PCDH7: variants seen among roughly 807,000 people sequenced by gnomAD.
The protein encoded by PCDH7 is protocadherin-7.
PCDH7 carries 17 observed loss-of-function variants against 58.9 expected under a neutral mutation model. That is an observed-to-expected ratio of 0.29 (90% CI 0.20 to 0.43). The LOEUF is 0.43. Among genes scored for constraint, PCDH7 ranks in the 20% least tolerant of loss-of-function variants. The pLI is 1.00. For synonymous variants in PCDH7, 664 were observed against 616.4 expected (o/e 1.08, Z -1.14); for missense variants, 1,274 against 1,441.0 (o/e 0.88, Z 1.88).
intron 2 of PCDH7, among the ~76,000 whole-genome samples, chr4:30,929,607 G>A (rs1744310382): frequency 1.3e-5 from 2 of 152,146 alleles, no homozygotes; most frequent in Non-Finnish European, 2.9e-5. Flanking sequence ...AATAAAATCT[G>A]TGATTAGTGG....
chr4:31,128,146 T>TACAC (rs144203433), intron 3 of PCDH7, among the ~76,000 whole-genome samples: 1 of 149,170 alleles, frequency 6.7e-6, no homozygotes, highest in Admixed American at 6.7e-5. Flanking sequence ...TATACATATA[T>TACAC]ACACACACAC....
intron 3 of PCDH7, among the ~76,000 whole-genome samples, chr4:30,983,643 T>A (rs1326496297): frequency 6.6e-6 from 1 of 152,250 alleles, no homozygotes; most frequent in Non-Finnish European, 1.5e-5. Flanking sequence ...AACATATTTT[T>A]GTTTCTAAAA....
chr4:31,127,669 T>A lies in PCDH7; in HGVS notation c.*8-14804T>A, dbSNP rs187201838. Among the ~76,000 whole-genome samples, 20 of 152,272 alleles carry A rather than the reference T, an allele frequency of 1.3e-4. No individual in the cohort carries two copies. The East Asian group carries it at 3.7e-3, about 28-fold the overall frequency. ...GTAAGAAACTATATTTACATTAGAT[T>A]TCCTGAAGTGGTTGTTGAGGATGTA... On this transcript the variant is annotated intron_variant, in intron 3 of 3. Coordinates refer to the PCDH7 transcript ENST00000509759.
intron 1 of PCDH7, among the ~76,000 whole-genome samples, chr4:30,909,460 C>A (rs1413831870): frequency 6.6e-6 from 1 of 152,158 alleles, no homozygotes; most frequent in African/African-American, 2.4e-5. Context: ...ACTCTTTAAG[C>A]TGATAAGCAA....
chr4:30,978,158 ATCC>A (rs1178210944), intron 3 of PCDH7, among the ~76,000 whole-genome samples: 3 of 152,214 alleles, frequency 2.0e-5, no homozygotes, highest in African/African-American at 7.2e-5. Context: ...TGACTCCCTT[ATCC>A]TAAGATTACA....
intron 3 of PCDH7, among the ~76,000 whole-genome samples, chr4:31,048,941 T>C (rs1333778857): frequency 6.6e-6 from 1 of 152,112 alleles, no homozygotes; most frequent in African/African-American, 2.4e-5. Context: ...AATATGATGA[T>C]ATGTATAATT....
At chr4:30,895,272 T>A (rs1372110702) in intron 1 of PCDH7, among the ~76,000 whole-genome samples, 1 of 151,956 alleles carries the variant, frequency 6.6e-6, no homozygotes, top group Non-Finnish European at 1.5e-5. Context: ...ACCGCATGTA[T>A]GTTTAAGTAT....
chr4:31,077,816 T>C (rs915101649), intron 3 of PCDH7, among the ~76,000 whole-genome samples: 1 of 152,156 alleles, frequency 6.6e-6, no homozygotes, highest in African/African-American at 2.4e-5. Flanking sequence ...ATTTGATATA[T>C]GACTCTGAAA....
At chr4:30,927,198 T>C (rs1223419517) in intron 2 of PCDH7, among the ~76,000 whole-genome samples, 2 of 152,196 alleles carry the variant, frequency 1.3e-5, no homozygotes, top group African/African-American at 4.8e-5. Context: ...GTTCCTTATT[T>C]AGTTAAGGTG....
intron 3 of PCDH7, among the ~76,000 whole-genome samples, chr4:31,075,726 A>G (rs1372675752): frequency 1.3e-5 from 2 of 152,194 alleles, no homozygotes; most frequent in East Asian, 1.9e-4. Flanking sequence ...CATGGGGGAT[A>G]ACATCTATAA....
chr4:31,056,953 T>C (rs1451444056), intron 3 of PCDH7, among the ~76,000 whole-genome samples: 2 of 152,198 alleles, frequency 1.3e-5, no homozygotes, highest in African/African-American at 4.8e-5. Context: ...TGTTTGTCAA[T>C]GAATATCTTA....
At position 30,721,409 on chromosome 4, in the gene PCDH7, A is replaced by T. The variant is rs992352550; in HGVS notation, c.-14A>T. The T allele has an allele frequency of 8.8e-6, 13 of 1,480,374 alleles. No homozygotes were observed. The South Asian group carries it at 1.8e-4, about 20-fold the overall frequency. The allele number at this position is 1,480,374 out of a possible 1,614,324, so 91.7% of individuals were successfully genotyped here. On this transcript the variant is annotated 5_prime_UTR_variant, in exon 1 of 2. Transcript: ENST00000361762. The surrounding 1 kb of genome is among the most constrained non-coding windows in gnomAD (Gnocchi z 6.7). ...TGTGGTTAGAAGGAGCAGTAGCAGCAGCAGCAGGAGAAGATGCTGAGGATG... is the reference window on the plus strand; with the variant it reads ...TGTGGTTAGAAGGAGCAGTAGCAGCTGCAGCAGGAGAAGATGCTGAGGATG...
intron 1 of PCDH7, among the ~76,000 whole-genome samples, chr4:30,875,376 A>T (rs544675040): frequency 6.6e-6 from 1 of 151,984 alleles, no homozygotes; most frequent in Non-Finnish European, 1.5e-5. Flanking sequence ...TCCAAATAAG[A>T]TCACATTCTG....
chr4:30,813,079 G>T (rs1005409580), intron 1 of PCDH7, among the ~76,000 whole-genome samples: 3 of 152,118 alleles, frequency 2.0e-5, no homozygotes, highest in African/African-American at 7.2e-5. Context: ...TAGGAGAGCT[G>T]CTGGAAATAA....
intron 3 of PCDH7, among the ~76,000 whole-genome samples, chr4:30,999,073 G>A (rs1752139129): frequency 6.6e-6 from 1 of 152,102 alleles, no homozygotes; most frequent in Non-Finnish European, 1.5e-5. Context: ...GGAGCAGAAA[G>A]AGCCTTGGAC....
intron 1 of PCDH7, among the ~76,000 whole-genome samples, chr4:30,808,181 T>C (rs1726499602): frequency 1.3e-5 from 2 of 152,190 alleles, no homozygotes; most frequent in African/African-American, 4.8e-5. Context: ...AATTCAAAGA[T>C]TAATAATTGA....
intron 1 of PCDH7, among the ~76,000 whole-genome samples, chr4:30,896,865 T>C (rs1739458129): frequency 6.9e-6 from 1 of 145,686 alleles, no homozygotes; most frequent in Admixed American, 7.1e-5. Flanking sequence ...TTTCCACTTG[T>C]CTTGTGCCCC....
chr4:30,969,028 G>C (rs1041311167), intron 3 of PCDH7, among the ~76,000 whole-genome samples: 1 of 152,020 alleles, frequency 6.6e-6, no homozygotes, highest in Non-Finnish European at 1.5e-5. Flanking sequence ...CATTTTGTAC[G>C]TACTCTCGGT....
intron 3 of PCDH7, among the ~76,000 whole-genome samples, chr4:31,074,332 T>G (rs1256436504): frequency 6.6e-6 from 1 of 151,588 alleles, no homozygotes; most frequent in East Asian, 1.9e-4. Context: ...GCAATAGGTG[T>G]TTAGTTGAAT....
Sources: allele counts gnomAD v4.1 joint callset (sites outside exome capture counted in the v4.1 genomes callset), GRCh38; gene constraint gnomAD v4.1.1; non-coding constraint Gnocchi (gnomAD v3.1); transcripts MANE v1.5; gene names NCBI Gene and HGNC (gene_info 2026-07-23, HGNC 2026-07-21).